The following TNS3 variants were observed in gnomAD, a reference collection of about 807,000 sequenced individuals.
TNS3 encodes tensin-3.
TNS3 carries 45 observed loss-of-function variants against 140.9 expected under a neutral mutation model. The observed-to-expected ratio is 0.32, with a 90% confidence interval of 0.25 to 0.41. TNS3 has a LOEUF of 0.41. Ranked by LOEUF, TNS3 falls within the 10% of genes least tolerant of loss-of-function variation. The pLI is 1.00. For synonymous variants in TNS3, 815 were observed against 788.4 expected (o/e 1.03, Z -0.56); for missense variants, 1,716 against 1,906.7 (o/e 0.90, Z 1.86).
chr7:47,367,567 G>A (rs534148732), intron 17 of TNS3, among the ~76,000 whole-genome samples: 1 of 152,296 alleles, frequency 6.6e-6, no homozygotes, highest in Non-Finnish European at 1.5e-5. Context: ...AGCCTCACGG[G>A]AAAAGGACAT....
chr7:47,529,232 T>A, intron 1 of TNS3, 85 bp from the exon 2 acceptor site: 2 of 757,150 alleles, frequency 2.6e-6, no homozygotes, highest in Non-Finnish European at 3.7e-6. Context: ...ATAATAAATC[T>A]AGTGGAATTG....
At chr7:47,417,529 C>T (rs1794147406) in intron 10 of TNS3, among the ~76,000 whole-genome samples, 1 of 152,236 alleles carries the variant, frequency 6.6e-6, no homozygotes, top group South Asian at 2.1e-4. Flanking sequence ...TCCCCAAAAC[C>T]AGTTCTCAAC....
In TNS3 at chr7:47,303,478, C is replaced by T. The variant is rs1425351177; in HGVS notation, c.2929G>A (p.Gly977Ser). Residue 977 changes from glycine to serine, a missense_variant, in exon 22 of 31, where the codon GGT (glycine) becomes AGT (serine). This residue lies in a region of TNS3 where 1,163 missense variants were observed against 1,182.1 expected (regional missense o/e 0.98). Coordinates refer to ENST00000311160, the MANE Select transcript of TNS3 (RefSeq NM_022748.12). ...AGCACTGGGGAGTCCTTCCTGGTACCGGAGAACTCAGCGCTGAGGGGACTT... is the reference window on the plus strand; with the variant it reads ...AGCACTGGGGAGTCCTTCCTGGTACTGGAGAACTCAGCGCTGAGGGGACTT... ...TGSPLSAEFS[G>S]TRKDSPVLSC... 3.1e-6 allele frequency: 5 copies of T among 1,611,490 alleles called. No individual in the cohort carries two copies. The highest frequency in any genetic ancestry group is 2.2e-5 in the East Asian group (1 of 44,858).
intron 20 of TNS3, among the ~76,000 whole-genome samples, chr7:47,313,839 A>G (rs1043280060): frequency 5.3e-5 from 8 of 152,214 alleles, no homozygotes; most frequent in Admixed American, 2.6e-4. Flanking sequence ...AAGCCCAGCA[A>G]TTCCCATGAA....
At chr7:47,514,298 C>T (rs775024265) in intron 2 of TNS3, among the ~76,000 whole-genome samples, 1 of 152,208 alleles carries the variant, frequency 6.6e-6, no homozygotes, top group Non-Finnish European at 1.5e-5. Context: ...CTACCATGTT[C>T]TCCTGAAGTC....
intron 1 of TNS3, among the ~76,000 whole-genome samples, chr7:47,543,975 C>A (rs1295880167): frequency 6.6e-6 from 1 of 152,232 alleles, no homozygotes; most frequent in Admixed American, 6.5e-5. Context: ...CACAGAGTTC[C>A]TTCCCCCTGA....
At position 47,513,360 on chromosome 7, in the gene TNS3, G is replaced by C. The variant is rs541256667; in HGVS notation, c.-152-6416C>G. On this transcript the variant is annotated intron_variant, in intron 2 of 30. Transcript: ENST00000311160. ...ATTTTTAAATTTTTTGTAGAAATGGGGTCTTGTTTTGTTGCCCAGGCTGGT... is the reference window on the plus strand; with the variant it reads ...ATTTTTAAATTTTTTGTAGAAATGGCGTCTTGTTTTGTTGCCCAGGCTGGT... 1.3e-4 allele frequency among the ~76,000 whole-genome samples: 20 copies of C among 152,140 alleles called. 1 individual carries two copies. The highest frequency in any genetic ancestry group is 4.3e-4 in the African/African-American group (18 of 41,506).
At chr7:47,430,655 T>C (rs926829854) in intron 8 of TNS3, among the ~76,000 whole-genome samples, 1 of 152,012 alleles carries the variant, frequency 6.6e-6, no homozygotes, top group African/African-American at 2.4e-5. Context: ...TTCTCCAGCA[T>C]AGATGGCATG....
At chr7:47,372,792 G>A (rs1791152023) in intron 16 of TNS3, among the ~76,000 whole-genome samples, 1 of 152,216 alleles carries the variant, frequency 6.6e-6, no homozygotes, top group Admixed American at 6.5e-5. Context: ...ACTGTGTCCA[G>A]TGCCAAAGAC....
At chr7:47,435,851 G>C (rs554306932) in intron 7 of TNS3, among the ~76,000 whole-genome samples, 11 of 152,306 alleles carry the variant, frequency 7.2e-5, no homozygotes, top group African/African-American at 2.6e-4. Context: ...CTCCTGGAAA[G>C]GCAGCACTTA....
chr7:47,562,566 A>G (rs139286385), intron 1 of TNS3, among the ~76,000 whole-genome samples: 3,437 of 152,138 alleles, frequency 0.023, 133 homozygotes, highest in African/African-American at 0.078. Context: ...TTTGTATTTT[A>G]GTAGAGATGA....
At chr7:47,426,571 T>C (rs532754853) in intron 9 of TNS3, among the ~76,000 whole-genome samples, 43 of 152,314 alleles carry the variant, frequency 2.8e-4, no homozygotes, top group African/African-American at 1.0e-3. Context: ...GTGTAACATA[T>C]GTTGAACTGT....
chr7:47,377,173 A>G (rs1374357314), intron 16 of TNS3, among the ~76,000 whole-genome samples: 4 of 152,202 alleles, frequency 2.6e-5, no homozygotes, highest in African/African-American at 9.7e-5. Context: ...AACAGTCCCA[A>G]TAAGTGGAGG....
intron 13 of TNS3, 77 bp downstream of exon 13, chr7:47,411,650 A>C (rs1793776382): frequency 6.8e-7 from 1 of 1,461,778 alleles, no homozygotes; most frequent in Admixed American, 2.0e-5. Context: ...CTGTTTTAAC[A>C]CAGAATCATG....
intron 4 of TNS3, among the ~76,000 whole-genome samples, chr7:47,463,683 T>C (rs1796583940): frequency 6.6e-6 from 1 of 152,172 alleles, no homozygotes; most frequent in African/African-American, 2.4e-5. Context: ...AGGATGCCTG[T>C]CTGCAGTATG....
At position 47,516,319 on chromosome 7, in the gene TNS3, G is replaced by A. The variant is rs116593442; in HGVS notation, c.-152-9375C>T. Among the ~76,000 whole-genome samples the A allele has an allele frequency of 7.8e-3, 1,187 of 152,206 alleles. 13 individuals carry two copies. The highest frequency in any genetic ancestry group is 0.027 in the African/African-American group (1,140 of 41,512). On this transcript the variant is annotated intron_variant, in intron 2 of 30. Transcript: ENST00000311160. ...CAGGGCCACAGCTTCCTGTGGAGCA[G>A]CCCATCCCTGACTCTGCCAGGCTCC... is the stretch of plus-strand genomic sequence containing the variant.
intron 17 of TNS3, among the ~76,000 whole-genome samples, chr7:47,357,324 C>A (rs1406273497): frequency 1.3e-5 from 2 of 152,254 alleles, no homozygotes; most frequent in South Asian, 4.2e-4. Flanking sequence ...GGAGTGAAAA[C>A]AAATAACAGG....
chr7:47,295,343 G>C lies in TNS3; in HGVS notation c.3677-1515C>G, dbSNP rs79299338. 2.4e-3 allele frequency among the ~76,000 whole-genome samples: 358 copies of C among 152,276 alleles called. 4 individuals carry two copies. The highest frequency in any genetic ancestry group is 8.0e-3 in the African/African-American group (334 of 41,544). On this transcript the variant is annotated intron_variant, in intron 24 of 30. Transcript: ENST00000311160. ...TAAAACTTTACACGGAAACGAAGGA[G>C]CCAACCAAAACCATCCATCATTCCT...
At position 47,303,518 on chromosome 7, in the gene TNS3, G is replaced by A. The variant is rs1432092004; in HGVS notation, c.2889C>T (p.Ser963=). 13 of 1,606,682 alleles carry A rather than the reference G, an allele frequency of 8.1e-6. No homozygotes were observed. Among genetic ancestry groups the A allele is most frequent in the East Asian group, 2.2e-5 (1 of 44,782 alleles). ...SPKPMVSLLG[S]GRPTGSPLSA... is the part of the protein sequence containing the mutation. Reference sequence around the variant, plus strand: ...TGAGGGGACTTCCGGTGGGCCGGCCGCTCCCCAGCAGGGAAACCATGGGCT... The same window carrying A: ...TGAGGGGACTTCCGGTGGGCCGGCCACTCCCCAGCAGGGAAACCATGGGCT... Residue 963 remains serine, a synonymous_variant, in exon 22 of 31, where the codon AGC becomes AGT. Transcript: ENST00000311160.
Sources: gnomAD v4.1 joint callset for allele counts (sites outside exome capture counted in the v4.1 genomes callset) on GRCh38, gnomAD v4.1.1 for gene constraint, gnomAD v4.1.1 regional missense constraint, MANE v1.5 for transcripts, NCBI Gene and HGNC (gene_info 2026-07-23, HGNC 2026-07-21) for gene names.